Variants in LILRA1 observed in about 807,000 individuals in gnomAD.
The protein encoded by LILRA1 is leukocyte immunoglobulin like receptor A1.
Under a neutral mutation model 51.6 loss-of-function variants are expected in LILRA1, and 51 were observed. The observed-to-expected ratio is 0.99, with a 90% CI of 0.79 to 1.25. LILRA1 has a LOEUF of 1.25. Ranked by LOEUF, LILRA1 falls within the 50% of genes most tolerant of loss-of-function variation. The probability of loss-of-function intolerance (pLI) is 0.00; values close to 1 mark genes in which losing one functional copy is unlikely to be tolerated. For missense variants in LILRA1, 660 were observed against 611.7 expected (o/e 1.08, Z -0.83); for synonymous variants, 305 against 248.4 (o/e 1.23, Z -2.14).
At chr19:54,598,963 T>C (rs192315676) in intron 7 of LILRA1, among the ~76,000 whole-genome samples, 3 of 152,024 alleles carry the variant, frequency 2.0e-5, no homozygotes, top group African/African-American at 7.2e-5. Flanking sequence ...GCCCCGCTAA[T>C]TTTTGTATTT....
chr19:54,596,899 G>C (rs1360715370), intron 7 of LILRA1, among the ~76,000 whole-genome samples: 1 of 152,016 alleles, frequency 6.6e-6, no homozygotes, highest in Non-Finnish European at 1.5e-5. Context: ...GTGGAGTGAA[G>C]GGGGAAGGTC....
At chr19:54,595,063 T>G (rs777800661) in intron 4 of LILRA1, 37 bp from the exon 5 acceptor site, 29 of 1,603,532 alleles carry the variant, frequency 1.8e-5, no homozygotes, top group African/African-American at 2.7e-5. Flanking sequence ...GTGGGAGGTG[T>G]GAGCCCCATT....
rs746842039 is a variant in LILRA1 at position 54,595,622 on chromosome 19, T to C, written c.662-17T>C. 4.9e-5 allele frequency: 78 copies of C among 1,596,718 alleles called. No homozygotes were observed. The highest frequency in any genetic ancestry group is 4.4e-5 in the Non-Finnish European group (52 of 1,169,240). On this transcript the variant is annotated splice_polypyrimidine_tract_variant and intron_variant, in intron 5 of 9. Transcript: ENST00000251372. ...CCTGAGGGTCGGCTCCTGGAAACCA[T>C]GAGCACCTTTTCCCAGGTGTTTCTA...
intron 7 of LILRA1, among the ~76,000 whole-genome samples, chr19:54,598,295 G>A (rs1331539229): frequency 6.6e-6 from 1 of 151,620 alleles, no homozygotes; most frequent in Non-Finnish European, 1.5e-5. Context: ...GCCTTTCATT[G>A]GGGCTTGATT....
chr19:54,598,804 A>T (rs553146166), intron 7 of LILRA1, among the ~76,000 whole-genome samples: 45 of 151,876 alleles, frequency 3.0e-4, no homozygotes, highest in South Asian at 1.3e-3. Flanking sequence ...ATTAAAAAAA[A>T]TTTTTTTTGA....
intron 7 of LILRA1, among the ~76,000 whole-genome samples, chr19:54,597,250 G>C (rs553592460): frequency 6.6e-6 from 1 of 152,178 alleles, no homozygotes; most frequent in African/African-American, 2.4e-5. Flanking sequence ...GGGCAGCAGA[G>C]GGGAGGGTGG....
intron 3 of LILRA1, 88 bp downstream of exon 3, chr19:54,594,564 T>C: frequency 6.2e-7 from 1 of 1,613,276 alleles, no homozygotes; most frequent in Non-Finnish European, 8.5e-7. Flanking sequence ...GGAATAGCAG[T>C]TCTGGACTGA....
At chr19:54,599,178 G>T in intron 7 of LILRA1, 58 bp from the exon 8 acceptor site, 1 of 1,466,958 alleles carries the variant, frequency 6.8e-7, no homozygotes, top group Non-Finnish European at 9.2e-7. Flanking sequence ...ATCTTATATA[G>T]AATTTGTTAT....
At chr19:54,599,334 G>C (rs770759911) in intron 8 of LILRA1, 48 bp downstream of exon 8, 6 of 1,532,554 alleles carry the variant, frequency 3.9e-6, no homozygotes, top group Admixed American at 1.7e-5. Flanking sequence ...CAGAGGGTCA[G>C]GTCCTGTCAA....
chr19:54,601,320 G>C lies in LILRA1; in HGVS notation c.*503G>C. The C allele has an allele frequency of 5.3e-6, 1 of 189,878 alleles. No individual in the cohort carries two copies. Among genetic ancestry groups the C allele is most frequent in the South Asian group, 1.1e-4 (1 of 9,500 alleles). The allele number at this position is 189,878 out of a possible 1,614,324, so 11.8% of individuals were successfully genotyped here. On this transcript the variant is annotated 3_prime_UTR_variant, in exon 10 of 10. Coordinates refer to ENST00000251372, the MANE Select transcript of LILRA1 (RefSeq NM_006863.4). Reference sequence around the variant, plus strand: ...AACCAGGAAAAGATAAATCCACCCTGATGCCCTGACACCCTCTCTGAACCC... The same window carrying C: ...AACCAGGAAAAGATAAATCCACCCTCATGCCCTGACACCCTCTCTGAACCC...
intron 4 of LILRA1, 65 bp downstream of exon 4, chr19:54,595,017 G>A (rs1342321377): frequency 1.9e-6 from 3 of 1,603,920 alleles, no homozygotes; most frequent in Admixed American, 1.7e-5. Context: ...AGTTCTCAGG[G>A]GCATCTCCCT....
chr19:54,602,261 A>G lies in LILRA1; in HGVS notation c.*1444A>G, dbSNP rs2063173466. Among the ~76,000 whole-genome samples the G allele has an allele frequency of 6.6e-6, 1 of 152,054 alleles. No individual in the cohort carries two copies. The highest frequency in any genetic ancestry group is 2.4e-5 in the African/African-American group (1 of 41,418). Reference sequence around the variant, plus strand: ...CTACCCTCTAGAGTAAACAAATCTTATCATTCGCCATCTACCCTCTAGAAT... The same window carrying G: ...CTACCCTCTAGAGTAAACAAATCTTGTCATTCGCCATCTACCCTCTAGAAT... On this transcript the variant is annotated 3_prime_UTR_variant, in exon 10 of 10. Coordinates refer to ENST00000251372, the MANE Select transcript of LILRA1 (RefSeq NM_006863.4).
chr19:54,600,379 G>A (rs2063142074), intron 8 of LILRA1, 133 bp from the exon 9 acceptor site: 1 of 803,886 alleles, frequency 1.2e-6, no homozygotes, highest in African/African-American at 1.7e-5. Context: ...ACACTGGAGG[G>A]AACCCTGCTA....
intron 8 of LILRA1, chr19:54,599,604 A>C: frequency 9.3e-7 from 1 of 1,069,798 alleles, no homozygotes; most frequent in Non-Finnish European, 1.1e-6. Flanking sequence ...TATAAACCGT[A>C]AGACAATGGG....
At chr19:54,600,160 T>C (rs2063138771) in intron 8 of LILRA1, among the ~76,000 whole-genome samples, 1 of 152,090 alleles carries the variant, frequency 6.6e-6, no homozygotes, top group Admixed American at 6.6e-5. Context: ...GGTCCTCCGC[T>C]GGTGGATAAG....
chr19:54,596,677 C>T (rs978457662), intron 7 of LILRA1, among the ~76,000 whole-genome samples, 186 bp downstream of exon 7: 2 of 152,104 alleles, frequency 1.3e-5, no homozygotes, highest in Non-Finnish European at 1.5e-5. Context: ...ACCATCCTGG[C>T]TAACACAGTG....
intron 5 of LILRA1, 33 bp from the exon 6 acceptor site, chr19:54,595,606 C>T (rs371986270): frequency 2.3e-5 from 36 of 1,581,800 alleles, no homozygotes; most frequent in Middle Eastern, 3.4e-4. Context: ...GCCTGAGGGT[C>T]GGCTCCTGGA....
chr19:54,596,560 C>G, intron 7 of LILRA1, 69 bp downstream of exon 7: 1 of 1,589,862 alleles, frequency 6.3e-7, no homozygotes, highest in Non-Finnish European at 8.6e-7. Flanking sequence ...CAGGAGAGCT[C>G]TGGACACTAA....
chr19:54,594,165 C>T (rs1377723949), intron 1 of LILRA1, 32 bp from the exon 2 acceptor site: 1 of 1,451,582 alleles, frequency 6.9e-7, no homozygotes, highest in Non-Finnish European at 9.6e-7. Context: ...GGAGGGGAGG[C>T]TATTTCTCTC....
Sources: allele counts gnomAD v4.1 joint callset (sites outside exome capture counted in the v4.1 genomes callset), GRCh38; gene constraint gnomAD v4.1.1; transcripts MANE v1.5; gene names NCBI Gene and HGNC (gene_info 2026-07-23, HGNC 2026-07-21).